Variants in CALD1 observed in about 807,000 individuals in gnomAD.
CALD1 encodes caldesmon 1.
In CALD1, 33 loss-of-function variants were observed where a neutral mutation model predicts 99.9. The ratio of observed to expected loss-of-function variants is 0.33; its 90% CI spans 0.25 to 0.44. CALD1 has a LOEUF of 0.44. Among genes scored for constraint, CALD1 ranks in the 20% least tolerant of loss-of-function variants. The pLI is 1.00. For synonymous variants in CALD1, 310 were observed against 325.0 expected, an observed-to-expected ratio of 0.95 and a Z score of 0.50; for missense variants, 861 against 962.1, an observed-to-expected ratio of 0.89 and a Z score of 1.39.
chr7:134,911,203 T>TC (rs1416879413), intron 3 of CALD1, among the ~76,000 whole-genome samples: 1 of 149,524 alleles, frequency 6.7e-6, no homozygotes, highest in African/African-American at 2.5e-5. Context: ...TTTTTCTTTT[T>TC]TTTTTTTTTT....
At chr7:134,826,329 T>C (rs1798993405) in intron 1 of CALD1, among the ~76,000 whole-genome samples, 1 of 152,194 alleles carries the variant, frequency 6.6e-6, no homozygotes, top group South Asian at 2.1e-4. Flanking sequence ...TCTGCTGATG[T>C]TGCTCCTTCG....
the CALD1 span, among the ~76,000 whole-genome samples, chr7:134,717,007 T>C: frequency 6.6e-6 from 1 of 152,156 alleles, no homozygotes; most frequent in Non-Finnish European, 1.5e-5. Context: ...TTAGACTCTG[T>C]CTATCTATCT....
chr7:134,920,400 A>T, intron 3 of CALD1: 1 of 534,582 alleles, frequency 1.9e-6, no homozygotes, highest in South Asian at 8.0e-5. Context: ...TCCCAAATTA[A>T]GACCCAGGTT....
At chr7:134,727,088 G>A in the CALD1 span, among the ~76,000 whole-genome samples, 3 of 152,206 alleles carry the variant, frequency 2.0e-5, no homozygotes, top group African/African-American at 7.2e-5. Flanking sequence ...ACTGGGAAAT[G>A]AGCCTTCCAC....
chr7:134,854,574 T>C (rs1393855523), intron 2 of CALD1, among the ~76,000 whole-genome samples: 1 of 152,202 alleles, frequency 6.6e-6, no homozygotes, highest in Non-Finnish European at 1.5e-5. Flanking sequence ...CCATACACGC[T>C]ACTGAAGGTC....
chr7:134,802,540 A>T (rs918364068), intron 1 of CALD1, among the ~76,000 whole-genome samples: 5 of 152,216 alleles, frequency 3.3e-5, no homozygotes, highest in Non-Finnish European at 7.3e-5. Context: ...TTCTCAACTT[A>T]TGATGGGGTT....
At chr7:134,881,878 G>T (rs6946813) in intron 3 of CALD1, among the ~76,000 whole-genome samples, 17,119 of 152,140 alleles carry the variant, frequency 0.11, 1,845 homozygotes, top group African/African-American at 0.28. Context: ...TGTGAATTGA[G>T]GAGAAAATGC....
At chr7:134,821,082 T>C (rs1330032397) in intron 1 of CALD1, among the ~76,000 whole-genome samples, 3 of 152,148 alleles carry the variant, frequency 2.0e-5, no homozygotes, top group African/African-American at 7.2e-5. Context: ...TAAGCAACTG[T>C]TGGAATTTGT....
At chr7:134,726,050 T>C in the CALD1 span, among the ~76,000 whole-genome samples, 1 of 152,178 alleles carries the variant, frequency 6.6e-6, no homozygotes, top group Admixed American at 6.5e-5. Context: ...TACAGCAGCA[T>C]TAGAAGACTA....
At chr7:134,829,279 C>T (rs1257922664) in intron 1 of CALD1, among the ~76,000 whole-genome samples, 1 of 152,198 alleles carries the variant, frequency 6.6e-6, no homozygotes, top group Non-Finnish European at 1.5e-5. Flanking sequence ...GTGGAAGTAA[C>T]ATCTTAAAAC....
chr7:134,711,565 G>A, the CALD1 span, among the ~76,000 whole-genome samples: 1 of 151,166 alleles, frequency 6.6e-6, no homozygotes, highest in African/African-American at 2.4e-5. Context: ...TGCCTGCTGC[G>A]CAGACTTCAG....
At chr7:134,739,604 C>A (rs1359840436), upstream of CALD1, among the ~76,000 whole-genome samples, 1 of 152,182 alleles carries the variant, frequency 6.6e-6, no homozygotes, top group Non-Finnish European at 1.5e-5. Context: ...ATTCCACATG[C>A]CATCATCTGT....
chr7:134,893,753 C>T (rs375457248), intron 3 of CALD1, among the ~76,000 whole-genome samples: 5 of 152,148 alleles, frequency 3.3e-5, no homozygotes, highest in Non-Finnish European at 5.9e-5. Flanking sequence ...TACCGTCAAT[C>T]GAGGAAAATG....
chr7:134,795,201 A>G (rs1797701093), intron 1 of CALD1, among the ~76,000 whole-genome samples: 1 of 152,058 alleles, frequency 6.6e-6, no homozygotes, highest in African/African-American at 2.4e-5. Flanking sequence ...CCCCACCCAA[A>G]TCTTATCTTG....
chr7:134,809,895 A>G (rs1178178252), intron 1 of CALD1, among the ~76,000 whole-genome samples: 1 of 152,194 alleles, frequency 6.6e-6, no homozygotes, highest in African/African-American at 2.4e-5. Context: ...AGCTATACAG[A>G]CAGAAATGGG....
intron 7 of CALD1, among the ~76,000 whole-genome samples, chr7:134,942,640 G>A (rs1270757871): frequency 6.6e-6 from 1 of 152,192 alleles, no homozygotes; most frequent in Non-Finnish European, 1.5e-5. Flanking sequence ...TGAAGTGTCT[G>A]TAGTTTAATG....
intron 8 of CALD1, among the ~76,000 whole-genome samples, chr7:134,948,283 C>G (rs1181518031): frequency 6.8e-6 from 1 of 146,264 alleles, no homozygotes; most frequent in Non-Finnish European, 1.5e-5. Flanking sequence ...GGGACAGTAT[C>G]TGCGTTGTTC....
rs144705984 is a variant in CALD1 at position 134,809,738 on chromosome 7, G to A, written c.-130+29989G>A. 2.1e-3 allele frequency: 319 copies of A among 152,248 alleles called. 4 individuals are homozygous for A. The highest frequency in any genetic ancestry group is 7.1e-3 in the African/African-American group (297 of 41,558). 9.4% of individuals were successfully genotyped at this position (152,248 alleles called of 1,614,324 possible). A position where few individuals can be genotyped will look rare whatever the true frequency, so the allele number is the denominator to read the frequency against. On this transcript the variant is annotated intron_variant, in intron 1 of 14. Coordinates refer to ENST00000361675, the MANE Select transcript of CALD1 (RefSeq NM_033138.4). ...TCACATTGGAAAACAAAGAAAATAA[G>A]ATTAAAATTCCCTCAAATCAACTTT...
intron 2 of CALD1, among the ~76,000 whole-genome samples, chr7:134,851,341 G>A (rs1443396018): frequency 6.6e-6 from 1 of 152,138 alleles, no homozygotes; most frequent in African/African-American, 2.4e-5. Flanking sequence ...ATAAGGAAGT[G>A]AAATATGAGT....
Sources: allele counts gnomAD v4.1 joint callset (sites outside exome capture counted in the v4.1 genomes callset), GRCh38; gene constraint gnomAD v4.1.1; transcripts MANE v1.5; gene names NCBI Gene and HGNC (gene_info 2026-07-23, HGNC 2026-07-21).